The following RASGRF1 variants were observed in gnomAD, a reference collection of about 807,000 sequenced individuals.
RASGRF1 encodes the protein ras-specific guanine nucleotide-releasing factor 1.
Under a neutral mutation model 138.7 loss-of-function variants are expected in RASGRF1, and 40 were observed. The observed-to-expected ratio is 0.29, with a 90% confidence interval of 0.22 to 0.38. The LOEUF (loss-of-function observed/expected upper bound fraction) is 0.38. Among genes scored for constraint, RASGRF1 ranks in the 10% least tolerant of loss-of-function variants. The pLI, the probability that RASGRF1 is intolerant of heterozygous loss-of-function variation, is 1.00. For synonymous variants in RASGRF1, 614 were observed against 663.2 expected (o/e 0.93, Z 1.14); for missense variants, 1,108 against 1,650.4 (o/e 0.67, Z 5.69).
chr15:78,994,245 A>G (rs927743769), intron 20 of RASGRF1, among the ~76,000 whole-genome samples: 1 of 152,056 alleles, frequency 6.6e-6, no homozygotes, highest in African/African-American at 2.4e-5. Flanking sequence ...GGGACCGTCA[A>G]CCTCCCTGCC....
intron 10 of RASGRF1, among the ~76,000 whole-genome samples, chr15:79,024,459 T>C (rs2057016359): frequency 6.6e-6 from 1 of 151,466 alleles, no homozygotes; most frequent in Non-Finnish European, 1.5e-5. Flanking sequence ...CACAAACACA[T>C]ATACACATAC....
intron 1 of RASGRF1, among the ~76,000 whole-genome samples, chr15:79,066,508 G>A (rs556709166): frequency 2.0e-5 from 3 of 152,350 alleles, no homozygotes; most frequent in Non-Finnish European, 2.9e-5. Flanking sequence ...AGCCCCAAGG[G>A]GAATGTCCCA....
At chr15:78,971,382 A>T (rs1013999168) in intron 26 of RASGRF1, among the ~76,000 whole-genome samples, 3 of 152,232 alleles carry the variant, frequency 2.0e-5, no homozygotes, top group African/African-American at 7.2e-5. Flanking sequence ...AAGGAAAAAA[A>T]GGAATGATAC....
intron 10 of RASGRF1, among the ~76,000 whole-genome samples, chr15:79,023,786 A>C (rs1192420449): frequency 2.6e-5 from 4 of 152,112 alleles, no homozygotes; most frequent in Non-Finnish European, 5.9e-5. Flanking sequence ...AGGAGGGGAC[A>C]CCTGAGAAGG....
Position 79,064,449 on chromosome 15 carries a change from G to A in RASGRF1, c.354C>T (p.Asp118=), listed in dbSNP as rs374689418. ...ELRTEDAKDC[D]EWVAAIAHAS... ...CATGTGCAATGGCTGCCACCCATTC[G>A]TCACAATCTTTTGCGTCCTCTGTCC... The change falls in exon 2 of 27, where the codon GAC becomes GAT. Residue 118 remains aspartate (D), a synonymous_variant. Transcript: ENST00000558480. 4.0e-5 allele frequency: 64 copies of A among 1,614,050 alleles called. No individual in the cohort carries two copies. The highest frequency in any genetic ancestry group is 4.8e-5 in the Non-Finnish European group (57 of 1,180,032).
chr15:79,031,343 G>C, intron 8 of RASGRF1, 57 bp downstream of exon 8: 1 of 1,359,874 alleles, frequency 7.4e-7, no homozygotes, highest in Non-Finnish European at 1.0e-6. Context: ...CCTGGTGAGG[G>C]GCACCCTCAG....
chr15:79,003,571 C>T (rs902898010), intron 15 of RASGRF1, among the ~76,000 whole-genome samples: 1 of 152,242 alleles, frequency 6.6e-6, no homozygotes, highest in African/African-American at 2.4e-5. Context: ...TGTGGCGATG[C>T]CCTGGGAATT....
intron 23 of RASGRF1, among the ~76,000 whole-genome samples, chr15:78,981,935 C>A (rs890091595): frequency 6.6e-6 from 1 of 152,218 alleles, no homozygotes; most frequent in African/African-American, 2.4e-5. Flanking sequence ...CTGCACTTGC[C>A]CCTTTCCAGA....
intron 2 of RASGRF1, 109 bp from the exon 3 acceptor site, chr15:79,058,590 A>G: frequency 7.1e-7 from 1 of 1,402,940 alleles, no homozygotes; most frequent in Non-Finnish European, 9.7e-7. Context: ...CACTTAGCAG[A>G]AGGCCCTGAC....
chr15:79,070,596 G>A (rs1325164707), intron 1 of RASGRF1, among the ~76,000 whole-genome samples: 1 of 152,186 alleles, frequency 6.6e-6, no homozygotes, highest in East Asian at 1.9e-4. Context: ...GTAACCTGGG[G>A]CCAGTCACTG....
chr15:79,025,261 G>A (rs929857205), intron 10 of RASGRF1, 53 bp downstream of exon 10: 30 of 1,527,314 alleles, frequency 2.0e-5, no homozygotes, highest in South Asian at 9.1e-5. Context: ...CCAGGACAGC[G>A]CCTGCATGAC....
In RASGRF1 at chr15:79,004,141, T is replaced by C; in HGVS notation, c.2110A>G (p.Asn704Asp). ...GGGGGTTCACCGTACAGGAGCTTAT[T>C]GTTCTGGCCACTGGCAAACAGGAGC... ...LELLFASGQN[N>D]KLLYGEPPKS... The change falls in exon 15 of 27, where the codon AAT (asparagine) becomes GAT (aspartate). Residue 704 changes from asparagine (N) to aspartate (D), a missense_variant. This residue lies in a region of RASGRF1 where 686 missense variants were observed against 976.7 expected (regional missense o/e 0.70). Coordinates refer to ENST00000558480, the MANE Select transcript of RASGRF1 (RefSeq NM_001145648.3). 6.3e-7 allele frequency: 1 copy of C among 1,598,496 alleles called. No homozygotes were observed. The highest frequency in any genetic ancestry group is 8.5e-7 in the Non-Finnish European group (1 of 1,169,712).
Position 78,960,249 on chromosome 15 carries a change from G to C in RASGRF1, c.*1895C>G, listed in dbSNP as rs1840464232. On this transcript the variant is annotated 3_prime_UTR_variant, in exon 27 of 27. Coordinates refer to ENST00000558480, the MANE Select transcript of RASGRF1 (RefSeq NM_001145648.3). Reference sequence around the variant, plus strand: ...AGCCAGCTGGCTGCAGGTCCCAGGGGAGGCGGCCTTGGGAGCTCTGGAGTG... The same window carrying C: ...AGCCAGCTGGCTGCAGGTCCCAGGGCAGGCGGCCTTGGGAGCTCTGGAGTG... 1 of 152,624 alleles carries C rather than the reference G, an allele frequency of 6.6e-6. No homozygotes were observed. Among genetic ancestry groups the C allele is most frequent in the African/African-American group, 2.4e-5 (1 of 41,452 alleles). 9.5% of individuals were successfully genotyped at this position (152,624 alleles called of 1,614,324 possible). A position where few individuals can be genotyped will look rare whatever the true frequency, so the allele number is the denominator to read the frequency against.
At chr15:79,058,620 GA>G in intron 2 of RASGRF1, 139 bp from the exon 3 acceptor site, 1 of 1,152,606 alleles carries the variant, frequency 8.7e-7, no homozygotes, top group Non-Finnish European at 1.2e-6. Flanking sequence ...CCTGCAGAGT[GA>G]GAGGGCTTGG....
chr15:79,061,413 A>AATATATAT (rs57956576), intron 2 of RASGRF1, among the ~76,000 whole-genome samples: 15,943 of 116,958 alleles, frequency 0.14, 1,300 homozygotes, highest in East Asian at 0.23. Context: ...CTATCTTTAA[A>AATATATAT]ATATATATAT....
chr15:79,031,275 G>T, intron 8 of RASGRF1, 125 bp downstream of exon 8: 4 of 753,082 alleles, frequency 5.3e-6, no homozygotes, highest in Non-Finnish European at 8.7e-6. Flanking sequence ...GTGGCAAGCT[G>T]TGCCCCTCCC....
At chr15:79,085,911 G>A (rs1167283386) in intron 1 of RASGRF1, among the ~76,000 whole-genome samples, 1 of 152,250 alleles carries the variant, frequency 6.6e-6, no homozygotes, top group Non-Finnish European at 1.5e-5. Flanking sequence ...GCTTGTGGAT[G>A]TACGATTTGT....
intron 24 of RASGRF1, chr15:78,979,183 A>T: frequency 7.8e-7 from 1 of 1,281,124 alleles, no homozygotes; most frequent in Non-Finnish European, 1.0e-6. Context: ...ACGGCTGGAC[A>T]GCACAGATGG....
intron 19 of RASGRF1, chr15:78,997,865 A>C: frequency 5.4e-6 from 3 of 553,514 alleles, no homozygotes; most frequent in East Asian, 3.2e-5. Context: ...CTTGCTTTGA[A>C]GAGATCAAGG....
Sources: allele counts gnomAD v4.1 joint callset (sites outside exome capture counted in the v4.1 genomes callset), GRCh38; gene constraint gnomAD v4.1.1; regional missense constraint gnomAD v4.1.1; transcripts MANE v1.5; gene names NCBI Gene and HGNC (gene_info 2026-07-23, HGNC 2026-07-21).